RXRG: variants seen among roughly 807,000 people sequenced by gnomAD.
RXRG encodes the protein retinoid X receptor gamma, also known as retinoic acid receptor RXR-gamma.
RXRG carries 19 observed loss-of-function variants against 49.2 expected under a neutral mutation model. The observed-to-expected ratio is 0.39, with a 90% CI of 0.27 to 0.57. The LOEUF (loss-of-function observed/expected upper bound fraction) is 0.57. RXRG is among the 20% of genes least tolerant of loss of function. The probability of loss-of-function intolerance (pLI) is 0.64; values close to 1 mark genes in which losing one functional copy is unlikely to be tolerated. For synonymous variants in RXRG, 224 were observed against 216.6 expected, an observed-to-expected ratio of 1.03 and a Z score of -0.30; for missense variants, 452 against 592.5, an observed-to-expected ratio of 0.76 and a Z score of 2.46.
chr1:165,409,399 T>C (rs1657861553), intron 7 of RXRG, among the ~76,000 whole-genome samples, 159 bp downstream of exon 7: 1 of 152,162 alleles, frequency 6.6e-6, no homozygotes, highest in South Asian at 2.1e-4. Flanking sequence ...TGCATGGTCA[T>C]GTGTAGCTAA....
chr1:165,401,455 C>A, intron 9 of RXRG, 45 bp from the exon 10 acceptor site: 3 of 1,607,110 alleles, frequency 1.9e-6, no homozygotes, highest in Non-Finnish European at 1.7e-6. Flanking sequence ...CGGGCAGGCA[C>A]TGCACACCTG....
chr1:165,407,053 A>T (rs1657779740), intron 8 of RXRG, 136 bp from the exon 9 acceptor site: 1 of 607,592 alleles, frequency 1.6e-6, no homozygotes, highest in Non-Finnish European at 2.9e-6. Context: ...AAAGCTGGTC[A>T]TTCATGCCCC....
rs2101707570 is a variant in RXRG at position 165,408,427 on chromosome 1, T to C, written c.1047-109A>G. The C allele has an allele frequency of 4.0e-6, 3 of 757,896 alleles. No homozygotes were observed. The South Asian group carries it at 4.5e-5, about 11-fold the overall frequency. The allele number at this position is 757,896 out of a possible 1,614,324, so 46.9% of individuals were successfully genotyped here. ...ATAAGCCCACTCTGTTTCCAGATGA[T>C]GTACCAGTTACTAGGGGTACAGAAA... On this transcript the variant is annotated intron_variant, in intron 7 of 9. Coordinates refer to ENST00000359842, the MANE Select transcript of RXRG (RefSeq NM_006917.5).
At position 165,424,813 on chromosome 1, in the gene RXRG, G is replaced by C. The variant is rs1195999486; in HGVS notation, c.297+3906C>G. 4.1e-6 allele frequency: 4 copies of C among 985,366 alleles called. No individual in the cohort carries two copies. The African/African-American group carries it at 5.2e-5, about 13-fold the overall frequency. 61.0% of individuals were successfully genotyped at this position (985,366 alleles called of 1,614,324 possible). ...TGAATCCCTCTCAGACCAGTCCTGG[G>C]TGAGGAAGGCAGGATGCATAGGAAT... On this transcript the variant is annotated intron_variant, in intron 2 of 9. Transcript: ENST00000359842.
chr1:165,437,170 GAGC>G (rs769844515), intron 1 of RXRG: 1 of 1,367,766 alleles, frequency 7.3e-7, no homozygotes, highest in South Asian at 1.1e-5. Context: ...GCGATGTGGA[GAGC>G]AGAAGTTGGA....
At chr1:165,407,853 TAA>T (rs35445056) in intron 8 of RXRG, among the ~76,000 whole-genome samples, 110 of 147,586 alleles carry the variant, frequency 7.5e-4, no homozygotes, top group Admixed American at 2.1e-3. Context: ...AAACAAAACT[TAA>T]AAAAAAAAAA....
Position 165,444,992 on chromosome 1 carries a change from A to G in RXRG, c.-99T>C, listed in dbSNP as rs1659116049. The G allele has an allele frequency of 8.7e-7, 1 of 1,143,372 alleles. No individual in the cohort carries two copies. The highest frequency in any genetic ancestry group is 1.5e-5 in the African/African-American group (1 of 65,980). The allele number at this position is 1,143,372 out of a possible 1,614,324, so 70.8% of individuals were successfully genotyped here. ...GCCCGGCTTTCTTCAACTTGGGCTA[A>G]CAAGAGTGGTCATCGCTTCCTAGCA... is the stretch of plus-strand genomic sequence containing the variant. On this transcript the variant is annotated 5_prime_UTR_variant, in exon 1 of 10. Transcript: ENST00000359842.
intron 1 of RXRG, among the ~76,000 whole-genome samples, chr1:165,429,392 T>C (rs1054630269): frequency 6.6e-6 from 1 of 152,174 alleles, no homozygotes; most frequent in Non-Finnish European, 1.5e-5. Context: ...TGACTAGAAC[T>C]CATATTGCTC....
In RXRG at chr1:165,406,743, T is replaced by G. The variant is rs776778926; in HGVS notation, c.1244+69A>C. The G allele has an allele frequency of 5.3e-6, 6 of 1,122,378 alleles. No homozygotes were observed. In the African/African-American group the frequency reaches 7.6e-5, roughly 14 times the overall value. 69.5% of individuals were successfully genotyped at this position (1,122,378 alleles called of 1,614,324 possible). On this transcript the variant is annotated intron_variant, in intron 9 of 9. Coordinates refer to ENST00000359842, the MANE Select transcript of RXRG (RefSeq NM_006917.5). The stretch of plus-strand genomic sequence containing the variant: ...CACCTAAACAGTGCCTGCTGCACTT[T>G]AGGGGCTCAGTAGATGAAGAGTGGG...
intron 2 of RXRG, among the ~76,000 whole-genome samples, chr1:165,424,301 T>A (rs1658413897): frequency 6.6e-6 from 1 of 152,218 alleles, no homozygotes; most frequent in Admixed American, 6.5e-5. Flanking sequence ...GTTCAATAAA[T>A]GCTTGTTGAA....
At chr1:165,424,590 G>A (rs1268073863) in intron 2 of RXRG, among the ~76,000 whole-genome samples, 1 of 152,174 alleles carries the variant, frequency 6.6e-6, no homozygotes, top group Non-Finnish European at 1.5e-5. Context: ...TGCCTTCATC[G>A]TACCAGTTCC....
At chr1:165,402,430 C>T (rs139906511) in intron 9 of RXRG, among the ~76,000 whole-genome samples, 1,647 of 122,696 alleles carry the variant, frequency 0.013, 37 homozygotes, top group African/African-American at 0.06. Context: ...CTATGCTTAC[C>T]CTTAAATTAG....
Position 165,408,241 on chromosome 1 carries a change from A to G in RXRG, c.1124T>C (p.Val375Ala). Reference sequence around the variant, plus strand: ...AGGGCGGTTACCTGGGTTAAAGAGTACAATGGCTCGCAGGCATCCCAGTTC... The same window carrying G: ...AGGGCGGTTACCTGGGTTAAAGAGTGCAATGGCTCGCAGGCATCCCAGTTC... Reference protein sequence around the residue: ...KSELGCLRAIVLFNPDAKGLS... With the variant: ...KSELGCLRAIALFNPDAKGLS... The change falls in exon 8 of 10, where the codon GTA (valine) becomes GCA (alanine). Residue 375 changes from valine to alanine, a missense_variant. This residue lies in a region of RXRG where 286 missense variants were observed against 440.9 expected (regional missense o/e 0.65). Coordinates refer to ENST00000359842, the MANE Select transcript of RXRG (RefSeq NM_006917.5). 6.2e-7 allele frequency: 1 copy of G among 1,613,972 alleles called. No individual in the cohort carries two copies. The highest frequency in any genetic ancestry group is 8.5e-7 in the Non-Finnish European group (1 of 1,179,838).
At chr1:165,428,480 A>G (rs1279018959) in intron 2 of RXRG, among the ~76,000 whole-genome samples, 1 of 152,224 alleles carries the variant, frequency 6.6e-6, no homozygotes, top group African/African-American at 2.4e-5. Context: ...TAAAACTACA[A>G]GGAAGGCCCC....
At chr1:165,416,712 G>C (rs761264275) in intron 4 of RXRG, among the ~76,000 whole-genome samples, 1 of 152,130 alleles carries the variant, frequency 6.6e-6, no homozygotes, top group Non-Finnish European at 1.5e-5. Flanking sequence ...GTTATTGGAA[G>C]AAAAAAGGAG....
intron 2 of RXRG, among the ~76,000 whole-genome samples, chr1:165,422,145 A>G (rs157871): frequency 0.13 from 19,697 of 152,158 alleles, 1,303 homozygotes; most frequent in Admixed American, 0.17. Flanking sequence ...CCTCAACTCC[A>G]GCAGGACCAG....
At chr1:165,409,485 A>C in intron 7 of RXRG, 73 bp downstream of exon 7, 1 of 1,208,726 alleles carries the variant, frequency 8.3e-7, no homozygotes, top group Non-Finnish European at 1.0e-6. Context: ...GTATGTACAC[A>C]TGTGTATACA....
Position 165,417,038 on chromosome 1 carries a change from C to T in RXRG, c.622+3G>A, listed in dbSNP as rs1658147481. 6.2e-7 allele frequency: 1 copy of T among 1,610,784 alleles called. No homozygotes were observed. Among genetic ancestry groups the T allele is most frequent in the Non-Finnish European group, 8.5e-7 (1 of 1,178,068 alleles). ...ACGAGTTTTGGAACTGAATGTGTCT[C>T]ACCTTCCCTCTTCATGCCCATGACA... On this transcript the variant is annotated splice_donor_region_variant and intron_variant, in intron 4 of 9. Coordinates refer to ENST00000359842, the MANE Select transcript of RXRG (RefSeq NM_006917.5).
Position 165,423,708 on chromosome 1 carries a change from GC to G in RXRG, c.298-3695del, listed in dbSNP as rs912947398. On this transcript the variant is annotated intron_variant, in intron 2 of 9. Coordinates refer to ENST00000359842, the MANE Select transcript of RXRG (RefSeq NM_006917.5). The stretch of plus-strand genomic sequence containing the variant: ...TAGGTGAGTGTGTGTGTTGCTGGGG[GC>G]GGTGGGGAGGGAGGTTGAGGCTTCA... Among the ~76,000 whole-genome samples the G allele has an allele frequency of 3.8e-3, 575 of 151,602 alleles. 5 individuals are homozygous for G. Among genetic ancestry groups the G allele is most frequent in the African/African-American group, 0.013 (536 of 41,298 alleles).
Sources: allele counts gnomAD v4.1 joint callset (sites outside exome capture counted in the v4.1 genomes callset), GRCh38; gene constraint gnomAD v4.1.1; regional missense constraint gnomAD v4.1.1; transcripts MANE v1.5; gene names NCBI Gene and HGNC (gene_info 2026-07-23, HGNC 2026-07-21).